Variants in POC1A observed in about 807,000 individuals in gnomAD.
POC1A encodes POC1 centriolar protein A, also known as POC1 centriolar protein homolog A.
In POC1A, 34 loss-of-function variants were observed where a neutral mutation model predicts 47.8. The observed-to-expected ratio is 0.71, with a 90% CI of 0.54 to 0.95. POC1A has a LOEUF of 0.95. POC1A is among the 40% of genes least tolerant of loss of function. The probability of loss-of-function intolerance (pLI) is 0.00; values close to 1 mark genes in which losing one functional copy is unlikely to be tolerated. For missense variants in POC1A, 466 were observed against 528.3 expected (o/e 0.88, Z 1.16); for synonymous variants, 177 against 207.6 (o/e 0.85, Z 1.27).
chr3:52,099,114 A>C (rs1201589510), intron 9 of POC1A, among the ~76,000 whole-genome samples: 1 of 152,018 alleles, frequency 6.6e-6, no homozygotes, highest in Admixed American at 6.6e-5. Context: ...TTTTTGCGTC[A>C]CTTCCCCAAC....
rs1698470084 is a variant in POC1A, at chr3:52,149,197, G to C, written c.455+13C>G. On this transcript the variant is annotated intron_variant, in intron 4 of 10. Transcript: ENST00000296484. ...GGGTTCCTCCAAGGGTCTCCAGACA[G>C]AACAATGCTCACTTGGCACAGCGGA... 6.2e-7 allele frequency: 1 copy of C among 1,613,614 alleles called. No homozygotes were observed.
At chr3:52,137,019 A>C (rs1704496111) in intron 7 of POC1A, among the ~76,000 whole-genome samples, 1 of 152,188 alleles carries the variant, frequency 6.6e-6, no homozygotes, top group South Asian at 2.1e-4. Flanking sequence ...CCAAACGGTT[A>C]CACATGAATC....
intron 7 of POC1A, among the ~76,000 whole-genome samples, chr3:52,130,863 G>C (rs1704184568): frequency 6.6e-6 from 1 of 152,064 alleles, no homozygotes; most frequent in South Asian, 2.1e-4. Flanking sequence ...TCAACCTAGG[G>C]CCCAGCATGG....
At chr3:52,085,771 G>A (rs1702439560) in intron 10 of POC1A, among the ~76,000 whole-genome samples, 1 of 152,244 alleles carries the variant, frequency 6.6e-6, no homozygotes, top group Admixed American at 6.5e-5. Flanking sequence ...CAGACTCAGG[G>A]CTTCAGTTTC....
chr3:52,076,027 G>A (rs1483267868), intron 10 of POC1A, 42 bp from the exon 11 acceptor site: 9 of 1,503,602 alleles, frequency 6.0e-6, no homozygotes, highest in African/African-American at 2.7e-5. Flanking sequence ...CAGAAGGGCC[G>A]CCAGGCTGCT....
Position 52,138,228 on chromosome 3 carries a change from T to G in POC1A, c.754A>C (p.Thr252Pro), listed in dbSNP as rs1339766072. Residue 252 changes from threonine (T) to proline (P), a missense_variant, in exon 7 of 11, where the codon ACC (threonine) becomes CCC (proline). By Grantham distance (38) the Thr-to-Pro change is conservative. Coordinates refer to ENST00000296484, the MANE Select transcript of POC1A (RefSeq NM_015426.5). ...TCCATCAGGTCCAGGATCTTCAGGG[T>G]TGAGTCACTGGAGGCTGTGATCAGG... Reference protein sequence around the residue: ...NYLITASSDSTLKILDLMEGR... With the variant: ...NYLITASSDSPLKILDLMEGR... 9.9e-6 allele frequency: 16 copies of G among 1,613,978 alleles called. No homozygotes were observed. The highest frequency in any genetic ancestry group is 1.3e-5 in the Non-Finnish European group (15 of 1,179,990).
intron 9 of POC1A, among the ~76,000 whole-genome samples, chr3:52,120,659 C>G (rs1239225068): frequency 6.6e-6 from 1 of 152,184 alleles, no homozygotes; most frequent in African/African-American, 2.4e-5. Context: ...CTATTTGAGG[C>G]CCACACAGTG....
rs895692094 is a variant in POC1A at position 52,079,132 on chromosome 3, C to T, written c.1126-3147G>A. On this transcript the variant is annotated intron_variant, in intron 10 of 10. Coordinates refer to ENST00000296484, the MANE Select transcript of POC1A (RefSeq NM_015426.5). The surrounding 1 kb of genome is among the most constrained non-coding windows in gnomAD (Gnocchi z 4.6). ...CACAGACTGGTTTGGAGCCATATCA[C>T]GTGGCCTTGTTCAGAATGTATATGA... 1.3e-5 allele frequency among the ~76,000 whole-genome samples: 2 copies of T among 152,244 alleles called. No individual in the cohort carries two copies. The highest frequency in any genetic ancestry group is 6.5e-5 in the Admixed American group (1 of 15,288).
intron 7 of POC1A, among the ~76,000 whole-genome samples, chr3:52,128,443 T>G (rs1487131706): frequency 6.6e-6 from 1 of 152,184 alleles, no homozygotes; most frequent in Non-Finnish European, 1.5e-5. Flanking sequence ...TGATAAGCTG[T>G]GTGGATCTGC....
At chr3:52,081,475 G>A (rs559691923) in intron 10 of POC1A, among the ~76,000 whole-genome samples, 27 of 152,296 alleles carry the variant, frequency 1.8e-4, no homozygotes, top group African/African-American at 4.8e-4. Flanking sequence ...CCACGCAGGC[G>A]CATAGACAGT....
At chr3:52,102,869 T>G (rs1703045932) in intron 9 of POC1A, among the ~76,000 whole-genome samples, 1 of 152,092 alleles carries the variant, frequency 6.6e-6, no homozygotes, top group Non-Finnish European at 1.5e-5. Flanking sequence ...GATTCTAAAA[T>G]TTACATGGAA....
intron 9 of POC1A, among the ~76,000 whole-genome samples, chr3:52,117,569 C>T (rs1703613600): frequency 6.6e-6 from 1 of 152,196 alleles, no homozygotes; most frequent in Non-Finnish European, 1.5e-5. Context: ...AGGCTCTTAA[C>T]CACAGATGAG....
At chr3:52,109,719 C>T in intron 9 of POC1A, among the ~76,000 whole-genome samples, 1 of 152,096 alleles carries the variant, frequency 6.6e-6, no homozygotes, top group East Asian at 1.9e-4. Flanking sequence ...TCAGCGAATC[C>T]TGCAGCAATG....
intron 9 of POC1A, among the ~76,000 whole-genome samples, chr3:52,117,570 C>T (rs1386878609): frequency 6.6e-6 from 1 of 152,162 alleles, no homozygotes; most frequent in Non-Finnish European, 1.5e-5. Context: ...GGCTCTTAAC[C>T]ACAGATGAGC....
rs538561113 is a variant in POC1A at position 52,108,849 on chromosome 3, A to G, written c.982-12137T>C. Among the ~76,000 whole-genome samples the G allele has an allele frequency of 6.6e-5, 10 of 152,284 alleles. No individual in the cohort carries two copies. The East Asian group carries it at 1.4e-3, about 21-fold the overall frequency. ...AGCTGTTATGAACCAAGGTTACATC[A>G]CGTCTTCCCTTCCCTCCCCCTGCAG... On this transcript the variant is annotated intron_variant, in intron 9 of 10. Transcript: ENST00000296484.
intron 9 of POC1A, among the ~76,000 whole-genome samples, chr3:52,118,930 C>T (rs970571891): frequency 1.3e-5 from 2 of 152,068 alleles, no homozygotes; most frequent in Non-Finnish European, 2.9e-5. Context: ...GCCAGGAAAA[C>T]CTTTAGTCAG....
intron 4 of POC1A, among the ~76,000 whole-genome samples, chr3:52,147,939 A>C (rs538839198): frequency 6.6e-6 from 1 of 152,252 alleles, no homozygotes; most frequent in African/African-American, 2.4e-5. Flanking sequence ...CTTAGAGGAA[A>C]ACCAAACATA....
intron 10 of POC1A, among the ~76,000 whole-genome samples, chr3:52,077,876 C>T (rs1317004196): frequency 1.3e-5 from 2 of 152,002 alleles, no homozygotes; most frequent in African/African-American, 4.8e-5. Context: ...GGGTGAGGTG[C>T]TGGGCCAACG....
At chr3:52,153,303 G>T (rs1042944880) in intron 1 of POC1A, among the ~76,000 whole-genome samples, 2 of 152,190 alleles carry the variant, frequency 1.3e-5, no homozygotes, top group Admixed American at 1.3e-4. Flanking sequence ...CTAAGTATCA[G>T]AAACCTCAAA....
Sources: gnomAD v4.1 joint callset for allele counts (sites outside exome capture counted in the v4.1 genomes callset) on GRCh38, gnomAD v4.1.1 for gene constraint, Gnocchi (gnomAD v3.1) non-coding constraint, MANE v1.5 for transcripts, NCBI Gene and HGNC (gene_info 2026-07-23, HGNC 2026-07-21) for gene names.